Variants in VPS13B observed in about 807,000 individuals in gnomAD.
VPS13B encodes intermembrane lipid transfer protein VPS13B.
VPS13B carries 285 observed loss-of-function variants against 426.4 expected under a neutral mutation model. The observed-to-expected ratio is 0.67, with a 90% confidence interval of 0.61 to 0.74. The LOEUF is 0.74. Among genes scored for constraint, VPS13B ranks in the 30% least tolerant of loss-of-function variants. The probability of loss-of-function intolerance (pLI) is 0.00; values close to 1 mark genes in which losing one functional copy is unlikely to be tolerated. For missense variants in VPS13B, 4,537 were observed against 4,782.6 expected (o/e 0.95, Z 1.51); for synonymous variants, 1,676 against 1,676.4 (o/e 1.00, Z 0.01).
chr8:99,170,619 A>G (rs964176320), intron 16 of VPS13B, among the ~76,000 whole-genome samples: 1 of 151,940 alleles, frequency 6.6e-6, no homozygotes, highest in African/African-American at 2.4e-5. Context: ...TCTAGTAGCT[A>G]TATTTTATAA....
chr8:99,589,199 C>G lies in VPS13B; in HGVS notation c.5220+11566C>G, dbSNP rs145380385. On this transcript the variant is annotated intron_variant, in intron 33 of 61. Coordinates refer to ENST00000357162, the MANE Select transcript of VPS13B (RefSeq NM_152564.5). ...TTGATGTGCTGCTGGATTTGATTTT[C>G]CAGTATTTTTTTATTATTATTATAC... Among the ~76,000 whole-genome samples, 127 of 151,734 alleles carry G rather than the reference C, an allele frequency of 8.4e-4. 1 individual carries two copies. In the East Asian group the frequency reaches 0.01, roughly 12 times the overall value.
At chr8:99,520,846 A>G in intron 29 of VPS13B, 53 bp from the exon 30 acceptor site, 1 of 1,441,288 alleles carries the variant, frequency 6.9e-7, no homozygotes, top group South Asian at 1.2e-5. Flanking sequence ...CCTTATGCAT[A>G]AAGTTATGTA....
intron 25 of VPS13B, among the ~76,000 whole-genome samples, chr8:99,487,577 C>A (rs142503517): frequency 8.2e-4 from 125 of 152,278 alleles, no homozygotes; most frequent in African/African-American, 2.9e-3. Flanking sequence ...CAGACAGAAT[C>A]TCTATCCCCA....
At chr8:99,696,734 C>G in intron 35 of VPS13B, 1 of 1,036,606 alleles carries the variant, frequency 9.6e-7, no homozygotes, top group Non-Finnish European at 1.5e-6. Flanking sequence ...CCAGAAGATC[C>G]GGGGGATGGG....
chr8:99,726,775 C>T (rs768185698), intron 39 of VPS13B, among the ~76,000 whole-genome samples: 14 of 152,210 alleles, frequency 9.2e-5, no homozygotes, highest in South Asian at 8.3e-4. Context: ...AGGCTGGTCT[C>T]GAACTCCCGA....
intron 44 of VPS13B, among the ~76,000 whole-genome samples, chr8:99,813,446 A>G (rs919660766): frequency 4.6e-5 from 7 of 152,224 alleles, no homozygotes; most frequent in Admixed American, 4.6e-4. Context: ...ATCAAGAATA[A>G]CAGAGTTAAA....
At chr8:99,692,162 G>T (rs1831704191) in intron 35 of VPS13B, among the ~76,000 whole-genome samples, 1 of 145,742 alleles carries the variant, frequency 6.9e-6, no homozygotes, top group Non-Finnish European at 1.5e-5. Flanking sequence ...AGGATACCCA[G>T]GAATTGAACT....
chr8:99,028,898 G>A (rs772692052), intron 2 of VPS13B, among the ~76,000 whole-genome samples: 1 of 73,660 alleles, frequency 1.4e-5, no homozygotes, highest in African/African-American at 5.8e-5. Flanking sequence ...CCTCCCTCCC[G>A]GACGGGGTGG....
At chr8:99,095,958 T>C (rs1199378013) in intron 3 of VPS13B, among the ~76,000 whole-genome samples, 1 of 152,172 alleles carries the variant, frequency 6.6e-6, no homozygotes, top group Non-Finnish European at 1.5e-5. Context: ...AACCTTTTTA[T>C]TTATTTTGCA....
At chr8:99,199,884 T>C (rs536181819) in intron 17 of VPS13B, among the ~76,000 whole-genome samples, 1 of 152,318 alleles carries the variant, frequency 6.6e-6, no homozygotes, top group East Asian at 1.9e-4. Context: ...AAAACAGTTT[T>C]ATTTATATAA....
intron 33 of VPS13B, 142 bp from the exon 34 acceptor site, chr8:99,641,669 A>C: frequency 1.3e-6 from 1 of 767,264 alleles, no homozygotes. Flanking sequence ...ATGGGCACCT[A>C]TTCTATTTTT....
intron 22 of VPS13B, among the ~76,000 whole-genome samples, chr8:99,435,091 A>C (rs1817302052): frequency 6.6e-6 from 1 of 152,240 alleles, no homozygotes. Flanking sequence ...GAATGTCAAG[A>C]GGAATGTTAC....
chr8:99,200,037 A>G (rs773192291), intron 17 of VPS13B, among the ~76,000 whole-genome samples: 19 of 152,296 alleles, frequency 1.2e-4, no homozygotes, highest in East Asian at 3.9e-4. Context: ...TTCCCTAGCT[A>G]TCACTCCTGG....
intron 51 of VPS13B, among the ~76,000 whole-genome samples, chr8:99,827,324 C>T (rs978037810): frequency 6.6e-6 from 1 of 152,114 alleles, no homozygotes; most frequent in Non-Finnish European, 1.5e-5. Flanking sequence ...ATGCATTCAT[C>T]CATTTCTTCT....
intron 27 of VPS13B, among the ~76,000 whole-genome samples, chr8:99,503,878 T>C (rs777972051): frequency 2.0e-5 from 3 of 152,234 alleles, no homozygotes; most frequent in Non-Finnish European, 4.4e-5. Flanking sequence ...CCTCCTCCCA[T>C]GAATCATGAA....
At chr8:99,028,396 C>G in intron 2 of VPS13B, among the ~76,000 whole-genome samples, 1 of 146,086 alleles carries the variant, frequency 6.8e-6, no homozygotes, top group African/African-American at 2.5e-5. Context: ...GGGGGCTGAC[C>G]CCCCCCACCT....
intron 19 of VPS13B, among the ~76,000 whole-genome samples, chr8:99,303,258 C>CAAAAAAAA (rs757187342): frequency 1.7e-5 from 1 of 57,296 alleles, no homozygotes; most frequent in Non-Finnish European, 3.0e-5. Flanking sequence ...CAGCCTGTCT[C>CAAAAAAAA]AAAAAAAAAA....
rs899631935 is a variant in VPS13B at position 99,489,707 on chromosome 8, CTG to C, written c.3870+7907_3870+7908del. Among the ~76,000 whole-genome samples the C allele has an allele frequency of 7.9e-5, 12 of 152,170 alleles. No individual in the cohort carries two copies. In the East Asian group the frequency reaches 1.7e-3, roughly 22 times the overall value. On this transcript the variant is annotated intron_variant, in intron 25 of 61. Coordinates refer to ENST00000357162, the MANE Select transcript of VPS13B (RefSeq NM_152564.5). ...ACTCATGATTTGGCTCTCTGTTTGTCTGTTATTGGTGGATAAGAATGCTTGTG... is the reference window on the plus strand; with the variant it reads ...ACTCATGATTTGGCTCTCTGTTTGTCTTATTGGTGGATAAGAATGCTTGTG...
intron 2 of VPS13B, among the ~76,000 whole-genome samples, chr8:99,020,403 G>T (rs958082770): frequency 3.0e-4 from 45 of 152,224 alleles, no homozygotes; most frequent in African/African-American, 1.1e-3. Flanking sequence ...GCAGATACAT[G>T]ATTTGCAGAT....
Sources: gnomAD v4.1 joint callset for allele counts (sites outside exome capture counted in the v4.1 genomes callset) on GRCh38, gnomAD v4.1.1 for gene constraint, MANE v1.5 for transcripts, NCBI Gene and HGNC (gene_info 2026-07-23, HGNC 2026-07-21) for gene names.